SDK1: variants seen among roughly 807,000 people sequenced by gnomAD.
SDK1 encodes the protein sidekick cell adhesion molecule 1.
Under a neutral mutation model 245.5 loss-of-function variants are expected in SDK1, and 157 were observed. The observed-to-expected ratio is 0.64, with a 90% CI of 0.56 to 0.73. The LOEUF (loss-of-function observed/expected upper bound fraction) is 0.73, where lower values mean the gene tolerates loss of function less well. Ranked by LOEUF, SDK1 falls within the 30% of genes least tolerant of loss-of-function variation. The pLI is 0.00. For missense variants in SDK1, 3,583 were observed against 3,002.3 expected (o/e 1.19, Z -4.52); for synonymous variants, 1,647 against 1,278.5 (o/e 1.29, Z -6.15).
chr7:3,346,099 G>C (rs919586647), intron 1 of SDK1, among the ~76,000 whole-genome samples: 1 of 152,222 alleles, frequency 6.6e-6, no homozygotes, highest in African/African-American at 2.4e-5. Context: ...ATTGCAACTT[G>C]TGATACTGCA....
At chr7:3,343,417 T>C (rs926102394) in intron 1 of SDK1, among the ~76,000 whole-genome samples, 1 of 152,192 alleles carries the variant, frequency 6.6e-6, no homozygotes, top group African/African-American at 2.4e-5. Context: ...TTATATGTTG[T>C]ATAATTCCAT....
At chr7:3,554,256 A>G (rs964725604) in intron 1 of SDK1, among the ~76,000 whole-genome samples, 4 of 152,158 alleles carry the variant, frequency 2.6e-5, no homozygotes, top group Non-Finnish European at 5.9e-5. Flanking sequence ...GCACTCTCTG[A>G]TCGTAGTGGA....
chr7:3,414,768 G>C (rs1779315145), intron 1 of SDK1, among the ~76,000 whole-genome samples: 2 of 152,066 alleles, frequency 1.3e-5, no homozygotes, highest in Admixed American at 1.3e-4. Flanking sequence ...CCAGCCCCTG[G>C]CAACCGCTAA....
intron 20 of SDK1, among the ~76,000 whole-genome samples, chr7:4,075,588 T>C (rs1754427494): frequency 6.6e-6 from 1 of 152,018 alleles, no homozygotes; most frequent in Admixed American, 6.5e-5. Flanking sequence ...TTTTAAGTGC[T>C]CTCTGATCAC....
intron 1 of SDK1, among the ~76,000 whole-genome samples, chr7:3,405,684 C>G (rs1009751495): frequency 1.3e-5 from 2 of 152,120 alleles, no homozygotes; most frequent in African/African-American, 2.4e-5. Context: ...AGCAATAGAG[C>G]TGACACAGTA....
intron 4 of SDK1, among the ~76,000 whole-genome samples, chr7:3,706,215 C>G (rs1784885006): frequency 6.6e-6 from 1 of 152,070 alleles, no homozygotes; most frequent in African/African-American, 2.4e-5. Flanking sequence ...GGATATTGGT[C>G]TGTAGTTTTA....
chr7:4,048,724 G>A (rs1340402126), intron 17 of SDK1, among the ~76,000 whole-genome samples: 3 of 152,158 alleles, frequency 2.0e-5, no homozygotes, highest in Non-Finnish European at 4.4e-5. Context: ...ACAGTTACAC[G>A]AGCATGTCCC....
chr7:3,407,799 C>G (rs1211355655), intron 1 of SDK1, among the ~76,000 whole-genome samples: 1 of 152,112 alleles, frequency 6.6e-6, no homozygotes, highest in Non-Finnish European at 1.5e-5. Flanking sequence ...TCAAGGAGTT[C>G]CCACTTTTGT....
intron 14 of SDK1, among the ~76,000 whole-genome samples, chr7:3,987,868 C>G (rs1184884272): frequency 2.0e-5 from 3 of 152,160 alleles, no homozygotes; most frequent in African/African-American, 4.8e-5. Flanking sequence ...GCCCTCCTTC[C>G]CTTCTCTTCC....
chr7:3,946,521 T>C (rs968326955), intron 5 of SDK1, among the ~76,000 whole-genome samples: 7 of 152,074 alleles, frequency 4.6e-5, no homozygotes, highest in African/African-American at 1.4e-4. Flanking sequence ...TTTGCCATAT[T>C]GCCTAGGCTC....
At chr7:3,678,215 CCGTT>C (rs1225393419) in intron 4 of SDK1, among the ~76,000 whole-genome samples, 5 of 152,168 alleles carry the variant, frequency 3.3e-5, no homozygotes, top group African/African-American at 7.2e-5. Context: ...CCGTGGAAGA[CCGTT>C]GGTTGCTCAG....
In SDK1 at chr7:3,994,590, C is replaced by T. The variant is rs553778979; in HGVS notation, c.2131+7268C>T. On this transcript the variant is annotated intron_variant, in intron 14 of 44. Transcript: ENST00000404826. ...CCAGGAGTTCAAGGCTGCAGTGAGC[C>T]GCGATCGCACCAAGGCACTCCAGCC... is the stretch of plus-strand genomic sequence containing the variant. 3.5e-3 allele frequency among the ~76,000 whole-genome samples: 527 copies of T among 150,020 alleles called. 6 individuals are homozygous for T. The highest frequency in any genetic ancestry group is 0.014 in the Middle Eastern group (4 of 290).
rs775327865 is a variant in SDK1, at chr7:4,208,220, C to T, written c.5336C>T (p.Ser1779Leu). The stretch of plus-strand genomic sequence containing the variant: ...CATACCAAGTACCTGGTCAGCATAT[C>T]AGCCTTCAACGCCGCCGGAGATGGA... The part of the protein sequence containing the change: ...TSHTKYLVSI[S>L]AFNAAGDGPK... Residue 1779 changes from serine (S) to leucine (L), a missense_variant, in exon 37 of 45, where the codon TCA becomes TTA. Ser to Leu is a moderately radical substitution (Grantham distance 145). Transcript: ENST00000404826. 1 of 1,614,114 alleles carries T rather than the reference C, an allele frequency of 6.2e-7. No individual in the cohort carries two copies. Among genetic ancestry groups the T allele is most frequent in the Non-Finnish European group, 8.5e-7 (1 of 1,180,008 alleles).
At chr7:3,813,679 A>G (rs1252773552) in intron 4 of SDK1, among the ~76,000 whole-genome samples, 1 of 133,268 alleles carries the variant, frequency 7.5e-6, no homozygotes, top group South Asian at 2.5e-4. Context: ...TCCCCGAGGA[A>G]TCGCCACACT....
chr7:4,200,013 T>G (rs962126427), intron 35 of SDK1, among the ~76,000 whole-genome samples: 4 of 152,132 alleles, frequency 2.6e-5, no homozygotes, highest in Admixed American at 2.6e-4. Flanking sequence ...GAGAATAGCT[T>G]GAACCCAGGA....
At chr7:3,577,531 C>T (rs1280149022) in intron 1 of SDK1, among the ~76,000 whole-genome samples, 1 of 151,982 alleles carries the variant, frequency 6.6e-6, no homozygotes, top group Admixed American at 6.6e-5. Flanking sequence ...TGTGCCTCCA[C>T]CTCAAGGGTA....
chr7:3,596,382 C>T (rs768303670), intron 1 of SDK1, among the ~76,000 whole-genome samples: 4 of 152,102 alleles, frequency 2.6e-5, no homozygotes, highest in Middle Eastern at 3.2e-3. Context: ...TAAAGTTGCT[C>T]GAGGCAGTGA....
chr7:4,112,846 C>T (rs1783437430), intron 23 of SDK1, among the ~76,000 whole-genome samples: 1 of 152,176 alleles, frequency 6.6e-6, no homozygotes, highest in Middle Eastern at 3.4e-3. Context: ...CTCTGCTTCC[C>T]TGGTTCAAGC....
chr7:3,918,333 C>T (rs116513301), intron 5 of SDK1, among the ~76,000 whole-genome samples: 2,197 of 152,282 alleles, frequency 0.014, 25 homozygotes, highest in Non-Finnish European at 0.025. Flanking sequence ...CTGCTCCCAT[C>T]GCTGGCATTA....
Sources: gnomAD v4.1 joint callset for allele counts (sites outside exome capture counted in the v4.1 genomes callset) on GRCh38, gnomAD v4.1.1 for gene constraint, MANE v1.5 for transcripts, NCBI Gene and HGNC (gene_info 2026-07-23, HGNC 2026-07-21) for gene names.